Variants in BAZ1B observed in about 807,000 individuals in gnomAD.
BAZ1B encodes the protein tyrosine-protein kinase BAZ1B.
Under a neutral mutation model 153.8 loss-of-function variants are expected in BAZ1B, and 22 were observed. That is an observed-to-expected ratio of 0.14 (90% CI 0.10 to 0.20). The LOEUF is 0.20. Among genes scored for constraint, BAZ1B ranks in the 10% least tolerant of loss-of-function variants. BAZ1B has a pLI of 1.00. For missense variants in BAZ1B, 1,325 were observed against 1,799.3 expected (o/e 0.74, Z 4.77); for synonymous variants, 676 against 633.4 (o/e 1.07, Z -1.01).
chr7:73,511,047 G>T (rs573913206), intron 1 of BAZ1B, among the ~76,000 whole-genome samples, 195 bp from the exon 2 acceptor site: 1 of 152,008 alleles, frequency 6.6e-6, no homozygotes, highest in African/African-American at 2.4e-5. Flanking sequence ...CGAGGCGGGC[G>T]GATCACGAGG....
intron 11 of BAZ1B, chr7:73,463,998 G>A (rs575243846): frequency 6.2e-5 from 32 of 520,222 alleles, no homozygotes; most frequent in African/African-American, 4.6e-4. Context: ...GAGCCACCGC[G>A]GCCGGCCCTC....
chr7:73,449,712 A>G (rs896863998), intron 14 of BAZ1B, 23 bp from the exon 15 acceptor site: 1 of 1,612,318 alleles, frequency 6.2e-7, no homozygotes, highest in Non-Finnish European at 8.5e-7. Flanking sequence ...AAATGTGAAT[A>G]GCATTGTTGG....
intron 13 of BAZ1B, among the ~76,000 whole-genome samples, chr7:73,456,680 G>A (rs1216339545): frequency 6.6e-6 from 1 of 152,062 alleles, no homozygotes; most frequent in African/African-American, 2.4e-5. Flanking sequence ...GGTGGCTGAG[G>A]CCTATAATGC....
At position 73,468,902 on chromosome 7, in the gene BAZ1B, G is replaced by C. The variant is rs553849369; in HGVS notation, c.2866+615C>G. Among the ~76,000 whole-genome samples the C allele has an allele frequency of 1.2e-4, 19 of 152,242 alleles. No homozygotes were observed. The South Asian group carries it at 2.7e-3, about 22-fold the overall frequency. On this transcript the variant is annotated intron_variant, in intron 9 of 19. Transcript: ENST00000339594. ...CCCAGCACTTTGGGAGGCCGAGGTG[G>C]GCAGATCACCTGAGGTCAGGAGTTT...
chr7:73,460,465 G>A (rs1307771907), intron 12 of BAZ1B, among the ~76,000 whole-genome samples: 2 of 151,824 alleles, frequency 1.3e-5, no homozygotes, highest in Non-Finnish European at 2.9e-5. Context: ...TATATGTAAG[G>A]TAGTATGTTT....
At chr7:73,443,861 A>C in intron 17 of BAZ1B, 123 bp downstream of exon 17, 1 of 1,459,128 alleles carries the variant, frequency 6.9e-7, no homozygotes, top group Non-Finnish European at 9.4e-7. Context: ...CCAGCCTCCC[A>C]AGTTTGGTAA....
chr7:73,450,875 A>T lies in BAZ1B; in HGVS notation c.3552T>A (p.Asn1184Lys). 6.2e-7 allele frequency: 1 copy of T among 1,614,114 alleles called. No homozygotes were observed. Among genetic ancestry groups the T allele is most frequent in the South Asian group, 1.1e-5 (1 of 91,074 alleles). ...TCTTTCGACAAACTTTGCACCTAGC[A>T]TTTTCTGCGGACATATCCCACTTGA... ...ACIKWDMSAENARCKVCRKKG... is the reference protein window; with the variant it reads ...ACIKWDMSAEKARCKVCRKKG... The change falls in exon 14 of 20, where the codon AAT becomes AAA. Residue 1184 changes from asparagine to lysine, a missense_variant. By Grantham distance (94) the Asn-to-Lys change is moderately conservative (BLOSUM62 0). Coordinates refer to ENST00000339594, the MANE Select transcript of BAZ1B (RefSeq NM_032408.4). The surrounding 1 kb of genome is among the most constrained non-coding windows in gnomAD (Gnocchi z 4.1).
At chr7:73,507,918 G>A (rs1790409573) in intron 3 of BAZ1B, among the ~76,000 whole-genome samples, 1 of 152,096 alleles carries the variant, frequency 6.6e-6, no homozygotes, top group Non-Finnish European at 1.5e-5. Context: ...TTGATGGGAG[G>A]CCAAGGTGGG....
chr7:73,450,095 T>A lies in BAZ1B; in HGVS notation c.3581-406A>T, dbSNP rs1418851728. ...CAGAGTCTTGCTCTGTCACCCAGGCTGGAGTGCAGTGGCGCGATCTCGGCT... is the reference window on the plus strand; with the variant it reads ...CAGAGTCTTGCTCTGTCACCCAGGCAGGAGTGCAGTGGCGCGATCTCGGCT... On this transcript the variant is annotated intron_variant, in intron 14 of 19. Coordinates refer to ENST00000339594, the MANE Select transcript of BAZ1B (RefSeq NM_032408.4). The surrounding 1 kb of genome is among the most constrained non-coding windows in gnomAD (Gnocchi z 4.1). Among the ~76,000 whole-genome samples, 3 of 151,966 alleles carry A rather than the reference T, an allele frequency of 2.0e-5. No individual in the cohort carries two copies. The highest frequency in any genetic ancestry group is 4.4e-5 in the Non-Finnish European group (3 of 67,984).
At chr7:73,448,009 T>C (rs2116229655) in intron 15 of BAZ1B, among the ~76,000 whole-genome samples, 1 of 152,138 alleles carries the variant, frequency 6.6e-6, no homozygotes, top group Admixed American at 6.5e-5. Context: ...CTCTGCCCCT[T>C]AGAAGGAAGC....
chr7:73,443,106 G>C (rs569060143), intron 17 of BAZ1B, among the ~76,000 whole-genome samples: 1 of 152,310 alleles, frequency 6.6e-6, no homozygotes, highest in South Asian at 2.1e-4. Flanking sequence ...AGTCCTGCTG[G>C]AGGTCGGCTG....
At chr7:73,463,599 G>C (rs1439491435) in intron 11 of BAZ1B, among the ~76,000 whole-genome samples, 3 of 152,004 alleles carry the variant, frequency 2.0e-5, no homozygotes, top group Non-Finnish European at 4.4e-5. Flanking sequence ...AACAAAACAG[G>C]TCTTTTCAAT....
chr7:73,522,274 G>T lies in BAZ1B; in HGVS notation c.-341C>A, dbSNP rs905257537. 1.9e-5 allele frequency: 7 copies of T among 374,228 alleles called. No homozygotes were observed. The highest frequency in any genetic ancestry group is 2.9e-5 in the Non-Finnish European group (6 of 210,522). The allele number at this position is 374,228 out of a possible 1,614,324, so 23.2% of individuals were successfully genotyped here. On this transcript the variant is annotated 5_prime_UTR_variant, in exon 1 of 20. Coordinates refer to ENST00000339594, the MANE Select transcript of BAZ1B (RefSeq NM_032408.4). ...GCGGGAGATTCCCCTCCTCCCCCGG[G>T]CCCGGCCAACGCACACACTAACTTG...
At chr7:73,510,627 C>T in intron 2 of BAZ1B, 109 bp downstream of exon 2, 1 of 1,054,060 alleles carries the variant, frequency 9.5e-7, no homozygotes. Context: ...GTAATATAGT[C>T]TAATTTGTGC....
In BAZ1B at chr7:73,462,941, G is replaced by T; in HGVS notation, c.3230C>A (p.Thr1077Lys). Residue 1077 changes from threonine to lysine, a missense_variant, in exon 12 of 20, where the codon ACA becomes AAA. Thr to Lys is a moderately conservative substitution (Grantham distance 78, BLOSUM62 -1). Around this residue, in one of 9 missense-constraint regions of BAZ1B, gnomAD observed 431 missense variants for 563.5 expected, o/e 0.76. Transcript: ENST00000339594. ...TCCTACCCGGGCTTCAAATTCTGATGTTTCTTCCACATATCCAAGTCCTCC... is the reference window on the plus strand; with the variant it reads ...TCCTACCCGGGCTTCAAATTCTGATTTTTCTTCCACATATCCAAGTCCTCC... Reference protein sequence around the residue: ...QKGGLGYVEETSEFEARVISL... With the variant: ...QKGGLGYVEEKSEFEARVISL... 1 of 1,614,020 alleles carries T rather than the reference G, an allele frequency of 6.2e-7. No homozygotes were observed. Among genetic ancestry groups the T allele is most frequent in the Non-Finnish European group, 8.5e-7 (1 of 1,179,976 alleles).
At chr7:73,470,313 A>T in intron 8 of BAZ1B, 32 bp downstream of exon 8, 2 of 1,589,182 alleles carry the variant, frequency 1.3e-6, no homozygotes, top group Non-Finnish European at 1.7e-6. Flanking sequence ...AAATAGTCCT[A>T]AAGAAAACAA....
chr7:73,508,196 G>C (rs770437750), intron 3 of BAZ1B, 131 bp downstream of exon 3: 2 of 1,017,956 alleles, frequency 2.0e-6, no homozygotes, highest in Non-Finnish European at 2.7e-6. Context: ...TTAACGTAAA[G>C]TATTAATACT....
chr7:73,449,557 C>A lies in BAZ1B; in HGVS notation c.3713G>T (p.Arg1238Leu). 1 of 1,612,200 alleles carries A rather than the reference C, an allele frequency of 6.2e-7. No homozygotes were observed. Among genetic ancestry groups the A allele is most frequent in the Non-Finnish European group, 8.5e-7 (1 of 1,179,424 alleles). ...AGATTCTCACCTGCCACGGGAGTTG[C>A]GCCTGGCAGTAGCGGGCTGGCAAGC... ...CPACQPATAR[R>L]NSRGRNYTEE... Residue 1238 changes from arginine to leucine, a missense_variant, in exon 15 of 20, where the codon CGC becomes CTC. Physicochemically the swap from Arg to Leu is moderately radical, Grantham distance 102 (BLOSUM62 -2). This residue lies in a region of BAZ1B where 271 missense variants were observed against 337.2 expected (regional missense o/e 0.80). Transcript: ENST00000339594.
chr7:73,482,973 A>G (rs1373187945), intron 6 of BAZ1B, among the ~76,000 whole-genome samples: 1 of 152,176 alleles, frequency 6.6e-6, no homozygotes, highest in African/African-American at 2.4e-5. Flanking sequence ...CTGAAAAAGT[A>G]TAAAACCACT....
Sources: gnomAD v4.1 joint callset for allele counts (sites outside exome capture counted in the v4.1 genomes callset) on GRCh38, gnomAD v4.1.1 for gene constraint, gnomAD v4.1.1 regional missense constraint, Gnocchi (gnomAD v3.1) non-coding constraint, MANE v1.5 for transcripts, NCBI Gene and HGNC (gene_info 2026-07-23, HGNC 2026-07-21) for gene names.